The following ROCK1 variants were observed in gnomAD, a reference collection of about 807,000 sequenced individuals.
ROCK1 encodes the protein rho-associated protein kinase 1.
Under a neutral mutation model 196.8 loss-of-function variants are expected in ROCK1, and 36 were observed. The observed-to-expected ratio is 0.18, with a 90% CI of 0.14 to 0.24. The LOEUF is 0.24. Ranked by LOEUF, ROCK1 falls within the 10% of genes least tolerant of loss-of-function variation. ROCK1 has a pLI of 1.00. For synonymous variants in ROCK1, 443 were observed against 515.9 expected, an observed-to-expected ratio of 0.86 and a Z score of 1.91; for missense variants, 920 against 1,562.0, an observed-to-expected ratio of 0.59 and a Z score of 6.93.
chr18:21,028,688 G>C (rs2035981928), intron 10 of ROCK1, 88 bp downstream of exon 10: 2 of 1,138,404 alleles, frequency 1.8e-6, no homozygotes. Context: ...TCTTTATATA[G>C]CATTAAATCT....
chr18:21,052,735 C>A (rs973219093), intron 2 of ROCK1, among the ~76,000 whole-genome samples: 3 of 151,976 alleles, frequency 2.0e-5, no homozygotes, highest in African/African-American at 4.8e-5. Flanking sequence ...TTATGAGAAT[C>A]TTTTTTTAAT....
rs2035313872 is a variant in ROCK1, at chr18:20,960,220, A to T, written c.3353-14T>A. 6.9e-7 allele frequency: 1 copy of T among 1,456,182 alleles called. No individual in the cohort carries two copies. The highest frequency in any genetic ancestry group is 1.4e-5 in the African/African-American group (1 of 71,724). 90.2% of individuals were successfully genotyped at this position (1,456,182 alleles called of 1,614,324 possible). ...CAATTCTTGACTCTAGGAGAAAAAGAATATATGTATTAGTCAGTCTTAAAT... is the reference window on the plus strand; with the variant it reads ...CAATTCTTGACTCTAGGAGAAAAAGTATATATGTATTAGTCAGTCTTAAAT... On this transcript the variant is annotated splice_polypyrimidine_tract_variant and intron_variant, in intron 27 of 32. Transcript: ENST00000399799.
In ROCK1 at chr18:20,965,153, G is replaced by A. The variant is rs151173467; in HGVS notation, c.3352+1764C>T. On this transcript the variant is annotated intron_variant, in intron 27 of 32. Transcript: ENST00000399799. ...GCCTGTAATCTCAGCACTTTGGAAG[G>A]CCAAGGCAGGCAGATAGCTTGAGCT... is the stretch of plus-strand genomic sequence containing the variant. 6.9e-3 allele frequency among the ~76,000 whole-genome samples: 1,052 copies of A among 152,220 alleles called. 11 individuals are homozygous for A. Among genetic ancestry groups the A allele is most frequent in the African/African-American group, 0.023 (945 of 41,522 alleles).
At chr18:21,023,198 C>A (rs1401533971) in intron 11 of ROCK1, among the ~76,000 whole-genome samples, 1 of 152,042 alleles carries the variant, frequency 6.6e-6, no homozygotes, top group African/African-American at 2.4e-5. Flanking sequence ...TGTGAAGGTG[C>A]TTAATGCCAC....
At chr18:21,092,553 C>T (rs2036579454) in intron 1 of ROCK1, among the ~76,000 whole-genome samples, 1 of 139,452 alleles carries the variant, frequency 7.2e-6, no homozygotes, top group African/African-American at 2.8e-5. Flanking sequence ...CACTGCACTC[C>T]AGCCTGGGTA....
At position 21,008,087 on chromosome 18, in the gene ROCK1, AT is replaced by A; in HGVS notation, c.1517del (p.Asn506MetfsTer7). 1 of 1,601,490 alleles carries A rather than the reference AT, an allele frequency of 6.2e-7. No individual in the cohort carries two copies. The highest frequency in any genetic ancestry group is 2.3e-5 in the East Asian group (1 of 44,332). On this transcript the variant is annotated frameshift_variant, in exon 14 of 33. Transcript: ENST00000399799. LOFTEE classifies it high-confidence loss of function. ...CATTTTCTACATTTCTTCTCTTCTC[AT>A]TTTCCTGTTCAGCTTTTCTTTGGTA... ...NEYQRKAEQE[N>X]EKRRNVENEV...
chr18:21,014,838 C>T (rs1476986289), intron 13 of ROCK1, among the ~76,000 whole-genome samples: 2 of 152,112 alleles, frequency 1.3e-5, no homozygotes, highest in African/African-American at 2.4e-5. Context: ...GAGTGTATTT[C>T]TTTTCATGGG....
chr18:21,098,635 C>A (rs1301717210), intron 1 of ROCK1, among the ~76,000 whole-genome samples: 9 of 140,958 alleles, frequency 6.4e-5, no homozygotes, highest in African/African-American at 2.3e-4. Context: ...TGAAAAATTG[C>A]AAAAAAAAAA....
In ROCK1 at chr18:20,969,218, G is replaced by C; in HGVS notation, c.2821-10C>G. On this transcript the variant is annotated splice_polypyrimidine_tract_variant and intron_variant, in intron 23 of 32. Coordinates refer to ENST00000399799, the MANE Select transcript of ROCK1 (RefSeq NM_005406.3). Reference sequence around the variant, plus strand: ...TGTTTGCTTCTTCAAGCTAAACAAAGCACACAAAAGTTTAAGCTCCAGCCT... The same window carrying C: ...TGTTTGCTTCTTCAAGCTAAACAAACCACACAAAAGTTTAAGCTCCAGCCT... The C allele has an allele frequency of 6.4e-7, 1 of 1,556,752 alleles. No homozygotes were observed. Among genetic ancestry groups the C allele is most frequent in the Non-Finnish European group, 8.8e-7 (1 of 1,139,436 alleles).
intron 22 of ROCK1, among the ~76,000 whole-genome samples, chr18:20,974,817 G>A (rs1399423889): frequency 2.6e-5 from 4 of 152,178 alleles, no homozygotes; most frequent in Non-Finnish European, 1.5e-5. Flanking sequence ...TTATTTGAAT[G>A]AATAGATGTG....
At chr18:21,016,920 A>G (rs2035867703) in intron 12 of ROCK1, among the ~76,000 whole-genome samples, 1 of 151,728 alleles carries the variant, frequency 6.6e-6, no homozygotes. Flanking sequence ...TCCCCAATCT[A>G]GACCTTGCCA....
chr18:21,015,066 AT>A (rs1211994499), intron 13 of ROCK1, among the ~76,000 whole-genome samples: 2 of 152,206 alleles, frequency 1.3e-5, no homozygotes, highest in African/African-American at 2.4e-5. Flanking sequence ...TTTTAAAAAT[AT>A]TTTAAACTGT....
At chr18:20,990,320 G>A (rs2035612868) in intron 18 of ROCK1, among the ~76,000 whole-genome samples, 1 of 151,650 alleles carries the variant, frequency 6.6e-6, no homozygotes, top group African/African-American at 2.4e-5. Flanking sequence ...TCAAGGAAAG[G>A]GCTACTAAAA....
At chr18:21,042,841 G>A in intron 6 of ROCK1, 132 bp from the exon 7 acceptor site, 11 of 847,644 alleles carry the variant, frequency 1.3e-5, no homozygotes, top group South Asian at 8.1e-5. Context: ...AAAACTGAAT[G>A]GAAACCTGAC....
intron 9 of ROCK1, among the ~76,000 whole-genome samples, chr18:21,030,881 T>C (rs573696416): frequency 9.2e-5 from 14 of 152,064 alleles, no homozygotes; most frequent in Non-Finnish European, 1.8e-4. Context: ...GAAGCAACCA[T>C]TGAGTTGGCA....
chr18:21,086,996 T>C (rs1011517839), intron 1 of ROCK1, among the ~76,000 whole-genome samples: 18 of 152,176 alleles, frequency 1.2e-4, no homozygotes, highest in Non-Finnish European at 2.2e-4. Flanking sequence ...TGCTTGTTTC[T>C]CAATGCATGT....
intron 1 of ROCK1, among the ~76,000 whole-genome samples, chr18:21,086,294 T>C (rs1217856782): frequency 1.3e-5 from 2 of 151,950 alleles, no homozygotes; most frequent in African/African-American, 4.8e-5. Flanking sequence ...GTATTTTTAG[T>C]AGAGACAGGA....
intron 22 of ROCK1, among the ~76,000 whole-genome samples, chr18:20,978,588 T>C (rs2035501734): frequency 1.3e-5 from 2 of 152,192 alleles, no homozygotes; most frequent in Admixed American, 6.5e-5. Context: ...CTGGCCACCA[T>C]ATTGGGCAGA....
intron 1 of ROCK1, among the ~76,000 whole-genome samples, chr18:21,091,928 C>T (rs991579227): frequency 3.9e-5 from 6 of 151,972 alleles, no homozygotes; most frequent in African/African-American, 1.5e-4. Context: ...TGCAGTGAGC[C>T]GAGATCATGC....
Sources: allele counts gnomAD v4.1 joint callset (sites outside exome capture counted in the v4.1 genomes callset), GRCh38; gene constraint gnomAD v4.1.1; transcripts MANE v1.5; gene names NCBI Gene and HGNC (gene_info 2026-07-23, HGNC 2026-07-21).